Variants in PSMD1 observed in about 807,000 individuals in gnomAD.
The protein encoded by PSMD1 is proteasome 26S subunit, non-ATPase 1, also known as 26S proteasome non-ATPase regulatory subunit 1.
A neutral mutation model predicts 119.0 loss-of-function variants in PSMD1; 18 were observed. The observed-to-expected ratio is 0.15, with a 90% CI of 0.10 to 0.22. PSMD1 has a LOEUF of 0.22. PSMD1 is among the 10% of genes least tolerant of loss of function. The pLI is 1.00. For missense variants in PSMD1, 702 were observed against 1,158.5 expected (o/e 0.61, Z 5.72); for synonymous variants, 374 against 396.6 (o/e 0.94, Z 0.68).
intron 16 of PSMD1, among the ~76,000 whole-genome samples, chr2:231,114,849 T>A (rs1443151653): frequency 1.3e-5 from 2 of 152,180 alleles, no homozygotes; most frequent in African/African-American, 4.8e-5. Flanking sequence ...ACCCACCACT[T>A]AACATGTTTA....
chr2:231,078,692 A>G lies in PSMD1; in HGVS notation c.1105A>G (p.Thr369Ala). Reference sequence around the variant, plus strand: ...ACGGAATTCTGTATGTCATACTGCAACCGTTATAGCAAACTCTTTTATGCA... The same window carrying G: ...ACGGAATTCTGTATGTCATACTGCAGCCGTTATAGCAAACTCTTTTATGCA... ...AVRNSVCHTA[T>A]VIANSFMHCG... The change falls in exon 10 of 25, where the codon ACC becomes GCC. Residue 369 changes from threonine to alanine, a missense_variant. Thr to Ala is a moderately conservative substitution (Grantham distance 58). This residue lies in a region of PSMD1 where 272 missense variants were observed against 511.6 expected (regional missense o/e 0.53). Transcript: ENST00000308696. The G allele has an allele frequency of 1.2e-6, 2 of 1,609,602 alleles. No homozygotes were observed. The highest frequency in any genetic ancestry group is 1.7e-6 in the Non-Finnish European group (2 of 1,178,526).
chr2:231,093,192 A>G (rs938225784), intron 16 of PSMD1, among the ~76,000 whole-genome samples: 4 of 152,204 alleles, frequency 2.6e-5, no homozygotes, highest in Non-Finnish European at 5.9e-5. Flanking sequence ...AGAAAAGCAG[A>G]TCTAAGAGAT....
At chr2:231,084,065 T>G (rs1694375465) in intron 14 of PSMD1, among the ~76,000 whole-genome samples, 1 of 152,186 alleles carries the variant, frequency 6.6e-6, no homozygotes, top group South Asian at 2.1e-4. Context: ...TAATAATTTT[T>G]GGGCCAGGCG....
At chr2:231,083,977 A>G (rs929593063) in intron 14 of PSMD1, among the ~76,000 whole-genome samples, 3 of 152,356 alleles carry the variant, frequency 2.0e-5, no homozygotes, top group East Asian at 1.9e-4. Context: ...AAATTTTGCT[A>G]TAGCTTCAGA....
At chr2:231,065,417 C>G (rs1004190367) in intron 4 of PSMD1, among the ~76,000 whole-genome samples, 2 of 151,286 alleles carry the variant, frequency 1.3e-5, no homozygotes, top group Non-Finnish European at 2.9e-5. Flanking sequence ...CTCAGCCTCC[C>G]GAGTAGCTGG....
intron 5 of PSMD1, among the ~76,000 whole-genome samples, 198 bp from the exon 6 acceptor site, chr2:231,069,827 G>T (rs926472778): frequency 6.6e-6 from 1 of 151,990 alleles, no homozygotes; most frequent in African/African-American, 2.4e-5. Context: ...CATTTTTTAT[G>T]ATGATGTGGA....
chr2:231,117,031 T>TA (rs1559237613), intron 16 of PSMD1, among the ~76,000 whole-genome samples: 5 of 152,158 alleles, frequency 3.3e-5, no homozygotes, highest in Admixed American at 3.3e-4. Flanking sequence ...TTATAGAAAT[T>TA]AAAAACAGTT....
intron 23 of PSMD1, among the ~76,000 whole-genome samples, chr2:231,167,888 A>T (rs1432994476): frequency 1.3e-5 from 2 of 152,256 alleles, no homozygotes; most frequent in Admixed American, 6.5e-5. Context: ...GCACATGAAA[A>T]GATGCTCAAC....
rs150936098 is a variant in PSMD1 at position 231,095,261 on chromosome 2, G to A, written c.1883+8080G>A. Among the ~76,000 whole-genome samples, 407 of 152,298 alleles carry A rather than the reference G, an allele frequency of 2.7e-3. 2 individuals carry two copies. The highest frequency in any genetic ancestry group is 0.024 in the Middle Eastern group (7 of 294). ...TCAGTAGTCATGCCCAAGGTGGGACGAAGCCAATTAATATTGCCCAATAAT... is the reference window on the plus strand; with the variant it reads ...TCAGTAGTCATGCCCAAGGTGGGACAAAGCCAATTAATATTGCCCAATAAT... On this transcript the variant is annotated intron_variant, in intron 16 of 24. Coordinates refer to ENST00000308696, the MANE Select transcript of PSMD1 (RefSeq NM_002807.4).
In PSMD1 at chr2:231,062,250, A is replaced by G. The variant is rs1239548160; in HGVS notation, c.63A>G (p.Glu21=). ...AGGATTTTGGTTATCTTTTACAGGA[A>G]TTTGCACTACACAAATTGAATGCAG... ...LLDEDEPQLK[E]FALHKLNAVV... The change falls in exon 3 of 25, where the codon GAA becomes GAG. Residue 21 remains glutamate, a splice_region_variant and synonymous_variant. Coordinates refer to ENST00000308696, the MANE Select transcript of PSMD1 (RefSeq NM_002807.4). 1 of 1,611,136 alleles carries G rather than the reference A, an allele frequency of 6.2e-7. No homozygotes were observed. The highest frequency in any genetic ancestry group is 1.1e-5 in the South Asian group (1 of 90,858).
At chr2:231,120,885 A>G (rs1464745878) in intron 16 of PSMD1, among the ~76,000 whole-genome samples, 1 of 152,206 alleles carries the variant, frequency 6.6e-6, no homozygotes, top group Non-Finnish European at 1.5e-5. Context: ...TCTGCCTTTT[A>G]AAGTTATCAG....
Position 231,123,689 on chromosome 2 carries a change from C to T in PSMD1, c.1884-15047C>T, listed in dbSNP as rs764960723. On this transcript the variant is annotated intron_variant, in intron 16 of 24. Coordinates refer to ENST00000308696, the MANE Select transcript of PSMD1 (RefSeq NM_002807.4). Reference sequence around the variant, plus strand: ...AATCCAGACCAGTTAGAAGAGATAACGTGAACAAAGGTGCTCTGCAAAATG... The same window carrying T: ...AATCCAGACCAGTTAGAAGAGATAATGTGAACAAAGGTGCTCTGCAAAATG... 2.4e-5 allele frequency: 38 copies of T among 1,614,038 alleles called. No individual in the cohort carries two copies. The highest frequency in any genetic ancestry group is 3.3e-5 in the Admixed American group (2 of 60,016).
intron 15 of PSMD1, among the ~76,000 whole-genome samples, chr2:231,085,426 A>G (rs1203896905): frequency 6.6e-6 from 1 of 152,180 alleles, no homozygotes; most frequent in Non-Finnish European, 1.5e-5. Context: ...ATGTGTGGCC[A>G]CCCTAGGATA....
At chr2:231,061,138 A>T (rs913551045) in intron 1 of PSMD1, 129 bp from the exon 2 acceptor site, 4 of 608,266 alleles carry the variant, frequency 6.6e-6, no homozygotes, top group Non-Finnish European at 8.7e-6. Context: ...AAAGAAAAAT[A>T]ATCATTCCCC....
At position 231,079,717 on chromosome 2, in the gene PSMD1, T is replaced by A. The variant is rs1190816359; in HGVS notation, c.1239+103T>A. On this transcript the variant is annotated intron_variant, in intron 11 of 24. Transcript: ENST00000308696. Reference sequence around the variant, plus strand: ...TTATAATTCATTAACAAGTACACTTTGTTAAGTCAGATAAGTCATTTTGTG... The same window carrying A: ...TTATAATTCATTAACAAGTACACTTAGTTAAGTCAGATAAGTCATTTTGTG... 4.4e-6 allele frequency: 3 copies of A among 686,102 alleles called. No homozygotes were observed. The African/African-American group carries it at 5.5e-5, about 13-fold the overall frequency. 42.5% of individuals were successfully genotyped at this position (686,102 alleles called of 1,614,324 possible).
intron 20 of PSMD1, 57 bp downstream of exon 20, chr2:231,161,566 A>G: frequency 6.8e-7 from 1 of 1,477,462 alleles, no homozygotes; most frequent in Non-Finnish European, 9.2e-7. Context: ...TCTTATTCAT[A>G]TTTACCGCCC....
rs1020168260 is a variant in PSMD1, at chr2:231,161,362, C to T, written c.2241C>T (p.Ser747=). ...LDAGGHNVTI[S]LQSRTGHTHM... The stretch of plus-strand genomic sequence containing the variant: ...CAGGTGGTCATAATGTCACAATCTC[C>T]TTGCAGTCCAGGACTGGGCATACTC... Residue 747 remains serine (S), a synonymous_variant, in exon 20 of 25, where the codon TCC becomes TCT. Transcript: ENST00000308696. 2 of 1,611,444 alleles carry T rather than the reference C, an allele frequency of 1.2e-6. No homozygotes were observed. The highest frequency in any genetic ancestry group is 3.4e-5 in the Admixed American group (2 of 59,494).
chr2:231,135,325 T>G (rs886265341), intron 16 of PSMD1, among the ~76,000 whole-genome samples: 6 of 152,200 alleles, frequency 3.9e-5, no homozygotes, highest in Admixed American at 2.6e-4. Context: ...GATTTAAACC[T>G]ATAATAATTG....
chr2:231,072,063 G>T, intron 6 of PSMD1, 126 bp from the exon 7 acceptor site: 1 of 709,042 alleles, frequency 1.4e-6, no homozygotes, highest in East Asian at 2.7e-5. Flanking sequence ...TGCTAGACTG[G>T]ATAGTCTGCC....
Sources: gnomAD v4.1 joint callset for allele counts (sites outside exome capture counted in the v4.1 genomes callset) on GRCh38, gnomAD v4.1.1 for gene constraint, gnomAD v4.1.1 regional missense constraint, MANE v1.5 for transcripts, NCBI Gene and HGNC (gene_info 2026-07-23, HGNC 2026-07-21) for gene names.